Variants in MAPK10 observed in about 807,000 individuals in gnomAD.
MAPK10 encodes JNK3 alpha protein kinase.
In MAPK10, 25 loss-of-function variants were observed where a neutral mutation model predicts 59.3. The ratio of observed to expected loss-of-function variants is 0.42; its 90% CI spans 0.31 to 0.59. The LOEUF is 0.59. MAPK10 is among the 20% of genes least tolerant of loss of function. The pLI is 0.15. For synonymous variants in MAPK10, 190 were observed against 200.5 expected, an observed-to-expected ratio of 0.95 and a Z score of 0.44; for missense variants, 351 against 568.9, an observed-to-expected ratio of 0.62 and a Z score of 3.90.
At chr4:86,258,647 T>C (rs1024001677) in intron 2 of MAPK10, among the ~76,000 whole-genome samples, 3 of 152,198 alleles carry the variant, frequency 2.0e-5, no homozygotes, top group Non-Finnish European at 2.9e-5. Context: ...TCTTTGCTTT[T>C]GTCTCAGTGT....
In MAPK10 at chr4:86,010,789, A is replaced by G. The variant is rs1340151873; in HGVS notation, c.*6439T>C. ...GGTTCACAAGTGTTAATGGAAGGCG[A>G]ATTATGTGTGGGACAGTCTTCTAGG... On this transcript the variant is annotated 3_prime_UTR_variant, in exon 14 of 14. Coordinates refer to ENST00000641462, the MANE Select transcript of MAPK10 (RefSeq NM_138982.4). The G allele has an allele frequency of 6.6e-6, 1 of 152,186 alleles. No homozygotes were observed. Among genetic ancestry groups the G allele is most frequent in the African/African-American group, 2.4e-5 (1 of 41,446 alleles). 9.4% of individuals were successfully genotyped at this position (152,186 alleles called of 1,614,324 possible).
chr4:86,530,517 G>T (rs1230293536), intron 1 of MAPK10, among the ~76,000 whole-genome samples: 1 of 152,176 alleles, frequency 6.6e-6, no homozygotes, highest in African/African-American at 2.4e-5. Flanking sequence ...TAAACTGGGT[G>T]GCTTAAAAAC....
intron 2 of MAPK10, among the ~76,000 whole-genome samples, chr4:86,241,900 G>A (rs1479234030): frequency 2.6e-5 from 4 of 152,108 alleles, no homozygotes; most frequent in Non-Finnish European, 5.9e-5. Context: ...ATTTAGAGAA[G>A]AGGCACTCTG....
intron 3 of MAPK10, among the ~76,000 whole-genome samples, chr4:86,165,466 C>G (rs1023909013): frequency 6.7e-6 from 1 of 149,990 alleles, no homozygotes; most frequent in African/African-American, 2.4e-5. Context: ...CAGCCTTGAA[C>G]TCCTGAGCTC....
chr4:86,509,754 G>A (rs754945059), intron 1 of MAPK10, among the ~76,000 whole-genome samples: 1 of 152,000 alleles, frequency 6.6e-6, no homozygotes, highest in Non-Finnish European at 1.5e-5. Flanking sequence ...TATCTATTAG[G>A]GAAAATAACA....
chr4:86,097,494 CA>C (rs753527643), intron 9 of MAPK10, among the ~76,000 whole-genome samples: 3 of 151,764 alleles, frequency 2.0e-5, no homozygotes, highest in Non-Finnish European at 4.4e-5. Flanking sequence ...TCTTATCAAT[CA>C]AATAGAATGG....
intron 5 of MAPK10, among the ~76,000 whole-genome samples, chr4:86,104,107 C>A: frequency 6.6e-6 from 1 of 152,048 alleles, no homozygotes; most frequent in Non-Finnish European, 1.5e-5. Flanking sequence ...AAGCATCAAT[C>A]AATGAATTTC....
chr4:86,108,151 CA>C (rs1234045622), intron 4 of MAPK10, among the ~76,000 whole-genome samples: 2 of 152,028 alleles, frequency 1.3e-5, no homozygotes, highest in Admixed American at 1.3e-4. Flanking sequence ...AATACAAAGA[CA>C]AAAATAAATG....
intron 1 of MAPK10, among the ~76,000 whole-genome samples, chr4:86,516,650 T>C (rs2149085644): frequency 6.6e-6 from 1 of 151,942 alleles, no homozygotes; most frequent in Non-Finnish European, 1.5e-5. Context: ...TGTTTGTTTG[T>C]TTTTTGTTTG....
intron 1 of MAPK10, among the ~76,000 whole-genome samples, chr4:86,536,879 T>C (rs554706552): frequency 6.6e-6 from 1 of 152,306 alleles, no homozygotes; most frequent in South Asian, 2.1e-4. Context: ...CCAGAAGAAT[T>C]TGGTTATAAA....
chr4:86,221,098 C>A lies in MAPK10; in HGVS notation c.-6-26691G>T, dbSNP rs77110629. On this transcript the variant is annotated intron_variant, in intron 2 of 13. Transcript: ENST00000641462. ...TAGAAGGCGGCTGGGAAGTGCCCAT[C>A]AGTCAGGGACAGACAGACAGCCAAG... 4.3e-3 allele frequency among the ~76,000 whole-genome samples: 661 copies of A among 152,312 alleles called. 6 individuals carry two copies. The highest frequency in any genetic ancestry group is 0.015 in the African/African-American group (635 of 41,572).
At chr4:86,576,812 T>C (rs781497339) in intron 1 of MAPK10, among the ~76,000 whole-genome samples, 1 of 151,970 alleles carries the variant, frequency 6.6e-6, no homozygotes, top group Admixed American at 6.6e-5. Flanking sequence ...TGGTTAATTA[T>C]TGTGAAATGT....
intron 1 of MAPK10, among the ~76,000 whole-genome samples, chr4:86,403,295 AC>A (rs1374009329): frequency 5.3e-5 from 8 of 152,112 alleles, no homozygotes; most frequent in African/African-American, 1.9e-4. Context: ...CGGGAGGATC[AC>A]CTGAGGTCAG....
chr4:86,446,942 T>A (rs974452107), intron 1 of MAPK10, among the ~76,000 whole-genome samples: 4 of 152,192 alleles, frequency 2.6e-5, no homozygotes, highest in Non-Finnish European at 5.9e-5. Context: ...AAATAATAAT[T>A]ATTTGTTGGT....
chr4:86,140,551 G>T (rs1302001603), intron 4 of MAPK10, among the ~76,000 whole-genome samples: 1 of 109,602 alleles, frequency 9.1e-6, no homozygotes, highest in African/African-American at 3.7e-5. Context: ...GGGGAGGGGG[G>T]AGGGATAGCA....
rs972129786 is a variant in MAPK10, at chr4:86,294,319, A to G, written c.-7+60211T>C. On this transcript the variant is annotated intron_variant, in intron 2 of 13. Coordinates refer to ENST00000641462, the MANE Select transcript of MAPK10 (RefSeq NM_138982.4). ...CACTTGAATCCTTGCCCCTAGGTTT[A>G]CTTTGAGATAACCCAACTTGAAACT... Among the ~76,000 whole-genome samples the G allele has an allele frequency of 2.0e-5, 3 of 152,118 alleles. No homozygotes were observed. In the South Asian group the frequency reaches 6.2e-4, roughly 31 times the overall value.
chr4:86,186,715 A>AT (rs2078323953), intron 3 of MAPK10, among the ~76,000 whole-genome samples: 2 of 152,132 alleles, frequency 1.3e-5, no homozygotes, highest in African/African-American at 4.8e-5. Context: ...GTAACATACA[A>AT]TTTTTTGCCA....
chr4:86,507,671 T>TATATAA (rs1755899828), intron 1 of MAPK10, among the ~76,000 whole-genome samples: 2 of 102,606 alleles, frequency 1.9e-5, no homozygotes, highest in African/African-American at 7.8e-5. Context: ...TATATATATA[T>TATATAA]AAAATCATGT....
At chr4:86,505,638 C>A (rs571904580) in intron 1 of MAPK10, among the ~76,000 whole-genome samples, 5 of 152,126 alleles carry the variant, frequency 3.3e-5, no homozygotes, top group South Asian at 4.2e-4. Flanking sequence ...TGAACTCCTG[C>A]GAAGACATGA....
Sources: gnomAD v4.1 joint callset for allele counts (sites outside exome capture counted in the v4.1 genomes callset) on GRCh38, gnomAD v4.1.1 for gene constraint, MANE v1.5 for transcripts, NCBI Gene and HGNC (gene_info 2026-07-23, HGNC 2026-07-21) for gene names.